CTBP2: variants seen among roughly 807,000 people sequenced by gnomAD.
CTBP2 encodes C-terminal-binding protein 2.
A neutral mutation model predicts 80.3 loss-of-function variants in CTBP2; 30 were observed. The observed-to-expected ratio is 0.37, with a 90% CI of 0.28 to 0.51. The LOEUF is 0.51. CTBP2 is among the 20% of genes least tolerant of loss of function. CTBP2 has a pLI of 0.93. For missense variants in CTBP2, 1,212 were observed against 1,375.3 expected (o/e 0.88, Z 1.88); for synonymous variants, 594 against 587.4 (o/e 1.01, Z -0.16).
chr10:125,115,782 C>T (rs920832131), intron 1 of CTBP2, among the ~76,000 whole-genome samples: 8 of 152,184 alleles, frequency 5.3e-5, no homozygotes, highest in African/African-American at 1.7e-4. Context: ...GTTCCCCTCC[C>T]TTGAAAGGTG....
chr10:125,122,685 C>A (rs569281058), intron 1 of CTBP2: 5 of 152,244 alleles, frequency 3.3e-5, no homozygotes, highest in Non-Finnish European at 7.3e-5. Flanking sequence ...CCACTCTTTC[C>A]AAAATCAGCC....
rs139715162 is a variant in CTBP2, at chr10:125,130,542, G to A, written c.-205-19449C>T. Reference sequence around the variant, plus strand: ...GTGGGACTTCTCAATCTGAAGTTGCGTTCCCAGCTCAAGTCACACGTGGGC... The same window carrying A: ...GTGGGACTTCTCAATCTGAAGTTGCATTCCCAGCTCAAGTCACACGTGGGC... On this transcript the variant is annotated intron_variant, in intron 1 of 10. Transcript: ENST00000337195. Among the ~76,000 whole-genome samples, 1,269 of 152,310 alleles carry A rather than the reference G, an allele frequency of 8.3e-3. 21 individuals carry two copies. The highest frequency in any genetic ancestry group is 0.029 in the African/African-American group (1,203 of 41,552).
At chr10:125,063,786 G>A (rs1844203581) in intron 2 of CTBP2, among the ~76,000 whole-genome samples, 1 of 152,136 alleles carries the variant, frequency 6.6e-6, no homozygotes, top group Non-Finnish European at 1.5e-5. Context: ...GTAAACAAAA[G>A]CATTAAGCAG....
intron 2 of CTBP2, among the ~76,000 whole-genome samples, chr10:125,052,126 G>A (rs912868809): frequency 1.3e-5 from 2 of 152,240 alleles, no homozygotes; most frequent in African/African-American, 4.8e-5. Context: ...ATCGGTGGGG[G>A]TCTGCGCTGC....
At chr10:125,150,221 T>G (rs1244522291) in intron 1 of CTBP2, among the ~76,000 whole-genome samples, 1 of 151,862 alleles carries the variant, frequency 6.6e-6, no homozygotes, top group Non-Finnish European at 1.5e-5. Flanking sequence ...TCGAGGGAGA[T>G]GGGGGGTGGA....
At chr10:125,004,382 C>T in intron 1 of CTBP2, among the ~76,000 whole-genome samples, 1 of 152,220 alleles carries the variant, frequency 6.6e-6, no homozygotes, top group Non-Finnish European at 1.5e-5. Context: ...CCTCTTTTCT[C>T]TCTTTATTCT....
At chr10:125,032,559 A>G (rs1958360079), upstream of CTBP2, among the ~76,000 whole-genome samples, 1 of 152,152 alleles carries the variant, frequency 6.6e-6, no homozygotes, top group African/African-American at 2.4e-5. Context: ...AGGCACCCCA[A>G]AAATAGTCCA....
At chr10:125,133,598 CTT>C (rs1240337681) in intron 1 of CTBP2, 2 of 152,194 alleles carry the variant, frequency 1.3e-5, no homozygotes, top group African/African-American at 2.4e-5. Flanking sequence ...AATCTGAATC[CTT>C]TGTTTTCTCC....
intron 1 of CTBP2, among the ~76,000 whole-genome samples, chr10:125,158,374 CAGAA>C (rs1861310590): frequency 6.6e-6 from 1 of 152,124 alleles, no homozygotes; most frequent in South Asian, 2.1e-4. Context: ...GTTAGAAAGG[CAGAA>C]AGAATCACTT....
chr10:124,991,699 G>A (rs755297112), intron 8 of CTBP2, among the ~76,000 whole-genome samples: 1 of 152,114 alleles, frequency 6.6e-6, no homozygotes, highest in Non-Finnish European at 1.5e-5. Flanking sequence ...GCCGCTGAAC[G>A]TCCTACAATG....
Position 124,990,544 on chromosome 10 carries a change from A to T in CTBP2, c.2778-846T>A, listed in dbSNP as rs74545429. On this transcript the variant is annotated intron_variant, in intron 8 of 8. Coordinates refer to ENST00000309035, the MANE Select transcript of CTBP2 (RefSeq NM_022802.3). ...TGAATGTGGATACATTATACTATTT[A>T]AAAAAACCCACTTTGTACAAAATGG... Among the ~76,000 whole-genome samples, 154 of 152,318 alleles carry T rather than the reference A, an allele frequency of 1.0e-3. 2 individuals are homozygous for T. The highest frequency in any genetic ancestry group is 6.4e-3 in the East Asian group (33 of 5,180).
chr10:125,033,720 C>T (rs1050243747), intron 3 of CTBP2, among the ~76,000 whole-genome samples: 13 of 152,136 alleles, frequency 8.5e-5, no homozygotes, highest in Admixed American at 2.6e-4. Flanking sequence ...GCACTGCTCC[C>T]CTCAAGGCAC....
Position 124,985,767 on chromosome 10 carries a change from A to C in CTBP2, c.*3751T>G, listed in dbSNP as rs1198182907. On this transcript the variant is annotated 3_prime_UTR_variant, in exon 9 of 9. Coordinates refer to ENST00000309035, the MANE Select transcript of CTBP2 (RefSeq NM_022802.3). ...AGATTCTGGGCAGTGGTCTGTGAGT[A>C]GTTTTTTTCCTGGATGAAAAGGGAG... is the stretch of plus-strand genomic sequence containing the variant. 14 of 152,254 alleles carry C rather than the reference A, an allele frequency of 9.2e-5. No individual in the cohort carries two copies. The highest frequency in any genetic ancestry group is 3.4e-4 in the African/African-American group (14 of 41,436). The allele number at this position is 152,254 out of a possible 1,614,324, so 9.4% of individuals were successfully genotyped here. A position where few individuals can be genotyped will look rare whatever the true frequency, so the allele number is the denominator to read the frequency against.
Position 124,998,005 on chromosome 10 carries a change from G to A in CTBP2, c.2144C>T (p.Ala715Val), listed in dbSNP as rs76390727. 16 of 1,612,998 alleles carry A rather than the reference G, an allele frequency of 9.9e-6. No individual in the cohort carries two copies. Among genetic ancestry groups the A allele is most frequent in the East Asian group, 2.2e-5 (1 of 44,868 alleles). The change falls in exon 4 of 9, where the codon GCG (alanine) becomes GTG (valine). Residue 715 changes from alanine (A) to valine (V), a missense_variant. By Grantham distance (64) the Ala-to-Val change is moderately conservative. This residue lies in a region of CTBP2 where 335 missense variants were observed against 504.7 expected (regional missense o/e 0.66). Transcript: ENST00000309035. ...CAGCGTCTCCCCACGGATGCGGGCC[G>A]CTCCCGAGGCCACCTCGCGGATCTG...
chr10:125,009,548 C>T (rs567075604), intron 1 of CTBP2, among the ~76,000 whole-genome samples: 2 of 152,302 alleles, frequency 1.3e-5, no homozygotes, highest in Admixed American at 1.3e-4. Flanking sequence ...ATTAAGTGGC[C>T]GCTTTCTGCA....
At chr10:125,036,990 G>T (rs1958971474) in intron 3 of CTBP2, among the ~76,000 whole-genome samples, 1 of 152,154 alleles carries the variant, frequency 6.6e-6, no homozygotes, top group Non-Finnish European at 1.5e-5. Flanking sequence ...GATGCCTAGG[G>T]AGCTGACATA....
intron 3 of CTBP2, chr10:125,000,446 C>T (rs892468555): frequency 2.0e-5 from 3 of 152,360 alleles, no homozygotes; most frequent in African/African-American, 2.4e-5. Flanking sequence ...CTGCTTTTCT[C>T]TCACGGTCAG....
chr10:125,161,717 A>G (rs1436234785), upstream of CTBP2, among the ~76,000 whole-genome samples: 1 of 151,588 alleles, frequency 6.6e-6, no homozygotes, highest in African/African-American at 2.4e-5. Flanking sequence ...ACACATTGAA[A>G]AAAAAAAAAA....
chr10:125,027,849 G>C lies in CTBP2; in HGVS notation c.-90C>G. The C allele has an allele frequency of 7.0e-7, 1 of 1,433,820 alleles. No individual in the cohort carries two copies. Among genetic ancestry groups the C allele is most frequent in the Non-Finnish European group, 9.1e-7 (1 of 1,097,506 alleles). 88.8% of individuals were successfully genotyped at this position (1,433,820 alleles called of 1,614,324 possible). ...ACATCAAAAACAGACCTGGCTGTGT[G>C]CTAACCCTTCCGAGACGGCAGGGAC... On this transcript the variant is annotated 5_prime_UTR_variant, in exon 1 of 9. Transcript: ENST00000309035.
Sources: allele counts gnomAD v4.1 joint callset (sites outside exome capture counted in the v4.1 genomes callset), GRCh38; gene constraint gnomAD v4.1.1; regional missense constraint gnomAD v4.1.1; transcripts MANE v1.5; gene names NCBI Gene and HGNC (gene_info 2026-07-23, HGNC 2026-07-21).